PRKDC: variants seen among roughly 807,000 people sequenced by gnomAD.
PRKDC encodes the protein DNA-dependent protein kinase catalytic subunit.
A neutral mutation model predicts 486.9 loss-of-function variants in PRKDC; 82 were observed. That is an observed-to-expected ratio of 0.17 (90% CI 0.14 to 0.20). PRKDC has a LOEUF of 0.20. PRKDC is among the 10% of genes least tolerant of loss of function. The pLI is 1.00. For missense variants in PRKDC, 4,504 were observed against 5,038.2 expected, an observed-to-expected ratio of 0.89 and a Z score of 3.21; for synonymous variants, 1,895 against 1,837.0, an observed-to-expected ratio of 1.03 and a Z score of -0.81.
At chr8:47,936,704 A>G (rs1226212700) in intron 11 of PRKDC, among the ~76,000 whole-genome samples, 187 bp from the exon 12 acceptor site, 1 of 151,072 alleles carries the variant, frequency 6.6e-6, no homozygotes, top group Non-Finnish European at 1.5e-5. Context: ...ACAACCTCCA[A>G]CTCCCAGGTT....
chr8:47,806,554 G>C (rs770035469), intron 69 of PRKDC, among the ~76,000 whole-genome samples: 1 of 152,200 alleles, frequency 6.6e-6, no homozygotes, highest in African/African-American at 2.4e-5. Context: ...GCAATTGATA[G>C]AGGGTCATTA....
chr8:47,794,146 T>C (rs564664447), intron 74 of PRKDC, 144 bp downstream of exon 74: 1 of 692,700 alleles, frequency 1.4e-6, no homozygotes, highest in South Asian at 2.0e-5. Context: ...AATAGATATA[T>C]TCAACAAAGC....
chr8:47,958,702 G>A (rs562688944), intron 1 of PRKDC, among the ~76,000 whole-genome samples: 6 of 150,926 alleles, frequency 4.0e-5, no homozygotes, highest in South Asian at 2.1e-4. Context: ...CTTGACAACA[G>A]ATAGAGTACA....
At chr8:47,857,814 C>A (rs2088579498) in intron 48 of PRKDC, among the ~76,000 whole-genome samples, 1 of 152,180 alleles carries the variant, frequency 6.6e-6, no homozygotes, top group Non-Finnish European at 1.5e-5. Context: ...GTCTGCAGAG[C>A]TGCCCAGAAT....
chr8:47,821,618 C>A lies in PRKDC; in HGVS notation c.9097G>T (p.Glu3033Ter). The A allele has an allele frequency of 6.3e-7, 1 of 1,596,620 alleles. No individual in the cohort carries two copies. The highest frequency in any genetic ancestry group is 1.7e-5 in the Admixed American group (1 of 58,012). Residue 3033 changes from glutamate (E) to a stop codon, truncating the protein, a stop_gained, in exon 65 of 86, where the codon GAA (glutamate) becomes TAA (stop). Coordinates refer to ENST00000314191, the MANE Select transcript of PRKDC (RefSeq NM_006904.7). LOFTEE classifies it high-confidence loss of function. Reference protein sequence around the residue: ...NPPDLNKIWSEPFYQETYLPY... With the variant: ...NPPDLNKIWS ...ATTTTACCCACCTGATAAAATGGTTCACTCCAGATTTTATTTAGGTCTGGG... is the reference window on the plus strand; with the variant it reads ...ATTTTACCCACCTGATAAAATGGTTAACTCCAGATTTTATTTAGGTCTGGG...
chr8:47,900,351 AG>A (rs2089656913), intron 28 of PRKDC, 21 bp downstream of exon 28: 1 of 1,577,222 alleles, frequency 6.3e-7, no homozygotes, highest in Admixed American at 1.8e-5. Flanking sequence ...TAACGCACAC[AG>A]AACACTGAAG....
chr8:47,903,335 A>T (rs991714441), intron 26 of PRKDC, among the ~76,000 whole-genome samples: 1 of 152,254 alleles, frequency 6.6e-6, no homozygotes, highest in African/African-American at 2.4e-5. Flanking sequence ...ACAGAGATGT[A>T]TTCTACTTTA....
chr8:47,868,696 T>C (rs950392472), intron 40 of PRKDC, among the ~76,000 whole-genome samples: 7 of 152,192 alleles, frequency 4.6e-5, no homozygotes, highest in African/African-American at 1.7e-4. Context: ...AAAAAAGCAC[T>C]TTCATAAGAA....
chr8:47,888,514 T>C lies in PRKDC; in HGVS notation c.4413+4A>G. ...TAAATGTAAAAACAATAAGTTATAG[T>C]TACCTGAGACGGTAATATATTATGC... On this transcript the variant is annotated splice_donor_region_variant and intron_variant, in intron 34 of 85. Coordinates refer to ENST00000314191, the MANE Select transcript of PRKDC (RefSeq NM_006904.7). The C allele has an allele frequency of 6.6e-7, 1 of 1,522,872 alleles. No individual in the cohort carries two copies. The highest frequency in any genetic ancestry group is 8.8e-7 in the Non-Finnish European group (1 of 1,131,766). The allele number at this position is 1,522,872 out of a possible 1,614,324, so 94.3% of individuals were successfully genotyped here.
intron 7 of PRKDC, among the ~76,000 whole-genome samples, chr8:47,948,231 C>A (rs922285224): frequency 6.6e-6 from 1 of 151,674 alleles, no homozygotes; most frequent in Non-Finnish European, 1.5e-5. Flanking sequence ...GCAGCCTCTG[C>A]CTCCCAGGTT....
chr8:47,881,357 TA>T, intron 38 of PRKDC, 58 bp downstream of exon 38: 2 of 1,053,254 alleles, frequency 1.9e-6, no homozygotes, highest in Non-Finnish European at 2.8e-6. Flanking sequence ...ACATCACAAA[TA>T]AAAAATACGA....
At chr8:47,925,073 G>A (rs777837181) in intron 21 of PRKDC, among the ~76,000 whole-genome samples, 9 of 152,168 alleles carry the variant, frequency 5.9e-5, no homozygotes, top group Admixed American at 6.6e-5. Flanking sequence ...GCCACCCCAT[G>A]GGGGATGACC....
rs535333684 is a variant in PRKDC, at chr8:47,886,038, C to T, written c.4682G>A (p.Ser1561Asn). 1.2e-6 allele frequency: 2 copies of T among 1,613,628 alleles called. No homozygotes were observed. Among genetic ancestry groups the T allele is most frequent in the East Asian group, 4.5e-5 (2 of 44,896 alleles). Residue 1561 changes from serine to asparagine, a missense_variant, in exon 36 of 86, where the codon AGC becomes AAC. Physicochemically the swap from Ser to Asn is conservative, Grantham distance 46. Transcript: ENST00000314191. ...IHFSHGEYFY[S>N]LFSETINTEL... is the part of the protein sequence containing the mutation. ...CGTGTTGATCGTTTCTGAGAACAAG[C>T]TATAGAAATACTCCCCATGGGAGAA...
chr8:47,778,860 T>C, intron 81 of PRKDC, 61 bp from the exon 82 acceptor site: 1 of 1,523,658 alleles, frequency 6.6e-7, no homozygotes, highest in South Asian at 1.2e-5. Context: ...AAATTTAAAT[T>C]TTAAAACTTT....
At chr8:47,875,938 G>T (rs1353471347) in intron 40 of PRKDC, among the ~76,000 whole-genome samples, 1 of 152,134 alleles carries the variant, frequency 6.6e-6, no homozygotes, top group East Asian at 1.9e-4. Context: ...AATATCAGTA[G>T]AAAGGAATGA....
Position 47,879,548 on chromosome 8 carries a change from G to A in PRKDC, c.5178C>T (p.Ser1726=), listed in dbSNP as rs1160839255. ...GCGGAGTTCCTGGAGGAAATTCCCT[G>A]GACTGCATGGGGAAGTGAGCAACGA... ...QLIVAHFPMQ[S]REFPPGTPRF... is the part of the protein sequence containing the mutation. Residue 1726 remains serine, a synonymous_variant, in exon 39 of 86, where the codon TCC becomes TCT. Coordinates refer to ENST00000314191, the MANE Select transcript of PRKDC (RefSeq NM_006904.7). The A allele has an allele frequency of 1.3e-6, 2 of 1,597,068 alleles. No individual in the cohort carries two copies. Among genetic ancestry groups the A allele is most frequent in the African/African-American group, 2.7e-5 (2 of 74,544 alleles).
intron 27 of PRKDC, among the ~76,000 whole-genome samples, chr8:47,901,933 C>T (rs1041246534): frequency 6.6e-6 from 1 of 152,090 alleles, no homozygotes; most frequent in Non-Finnish European, 1.5e-5. Context: ...CACTGGTGTT[C>T]CAGTCTTCAG....
At chr8:47,933,462 T>C (rs1425655980) in intron 15 of PRKDC, among the ~76,000 whole-genome samples, 1 of 152,230 alleles carries the variant, frequency 6.6e-6, no homozygotes, top group Non-Finnish European at 1.5e-5. Context: ...TCAAAGCATT[T>C]ACCCCAATTA....
chr8:47,939,257 T>A (rs1219342736), intron 11 of PRKDC, among the ~76,000 whole-genome samples: 1 of 152,194 alleles, frequency 6.6e-6, no homozygotes, highest in Non-Finnish European at 1.5e-5. Context: ...GTTCCAGGCC[T>A]CCTCAGTATA....
Sources: allele counts gnomAD v4.1 joint callset (sites outside exome capture counted in the v4.1 genomes callset), GRCh38; gene constraint gnomAD v4.1.1; transcripts MANE v1.5; gene names NCBI Gene and HGNC (gene_info 2026-07-23, HGNC 2026-07-21).